The following SV2C variants were observed in gnomAD, a reference collection of about 807,000 sequenced individuals.
SV2C encodes the protein synaptic vesicle glycoprotein 2C, also known as solute carrier family 22 member B3.
In SV2C, 49 loss-of-function variants were observed where a neutral mutation model predicts 79.7. That is an observed-to-expected ratio of 0.61 (90% CI 0.49 to 0.78). SV2C has a LOEUF of 0.78. Among genes scored for constraint, SV2C ranks in the 30% least tolerant of loss-of-function variants. The probability of loss-of-function intolerance (pLI) is 0.00; values close to 1 mark genes in which losing one functional copy is unlikely to be tolerated. For synonymous variants in SV2C, 334 were observed against 333.2 expected, an observed-to-expected ratio of 1.00 and a Z score of -0.03; for missense variants, 833 against 912.9, an observed-to-expected ratio of 0.91 and a Z score of 1.13.
chr5:76,133,648 G>C (rs1301068926), intron 2 of SV2C, among the ~76,000 whole-genome samples: 2 of 152,168 alleles, frequency 1.3e-5, no homozygotes, highest in African/African-American at 4.8e-5. Context: ...AGCATATTGT[G>C]CATATTTTGC....
At chr5:76,295,247 T>G (rs1747706650) in intron 8 of SV2C, among the ~76,000 whole-genome samples, 1 of 152,220 alleles carries the variant, frequency 6.6e-6, no homozygotes, top group South Asian at 2.1e-4. Flanking sequence ...AGATGGCAGC[T>G]TGTCGCTGAG....
the SV2C span, among the ~76,000 whole-genome samples, chr5:75,898,793 T>G: frequency 1.3e-5 from 2 of 152,216 alleles, no homozygotes; most frequent in Admixed American, 1.3e-4. Flanking sequence ...TGGTTTAGTC[T>G]TGGGAGGGTG....
chr5:75,921,354 T>C, the SV2C span: 1 of 1,016,948 alleles, frequency 9.8e-7, no homozygotes, highest in Non-Finnish European at 1.6e-6. Flanking sequence ...TGCCTGCTGC[T>C]GTCCTTTGGG....
At chr5:76,254,297 G>A (rs905434080) in intron 4 of SV2C, among the ~76,000 whole-genome samples, 2 of 150,608 alleles carry the variant, frequency 1.3e-5, no homozygotes, top group African/African-American at 4.9e-5. Flanking sequence ...AAAAATAAAT[G>A]TAATGCATCT....
chr5:76,052,250 A>T, the SV2C span, among the ~76,000 whole-genome samples: 1 of 152,192 alleles, frequency 6.6e-6, no homozygotes, highest in African/African-American at 2.4e-5. Flanking sequence ...TATATTATTG[A>T]TTAAACATCT....
chr5:76,257,024 C>T (rs892098886), intron 4 of SV2C, among the ~76,000 whole-genome samples: 12 of 152,244 alleles, frequency 7.9e-5, no homozygotes, highest in African/African-American at 2.4e-4. Context: ...TATCAAAGCA[C>T]ATTTCCATTT....
At chr5:76,300,349 T>C (rs1376083153) in intron 10 of SV2C, among the ~76,000 whole-genome samples, 1 of 152,030 alleles carries the variant, frequency 6.6e-6, no homozygotes, top group Non-Finnish European at 1.5e-5. Flanking sequence ...TTTATAATTG[T>C]AGTATGGACA....
At chr5:75,852,623 C>T in the SV2C span, among the ~76,000 whole-genome samples, 4 of 151,846 alleles carry the variant, frequency 2.6e-5, no homozygotes, top group African/African-American at 9.7e-5. Flanking sequence ...GAGAATATTT[C>T]GTCTATAGAT....
intron 4 of SV2C, among the ~76,000 whole-genome samples, chr5:76,211,824 T>A (rs1418433433): frequency 6.6e-6 from 1 of 152,210 alleles, no homozygotes; most frequent in African/African-American, 2.4e-5. Context: ...TACAAAATCA[T>A]GTCACACGCT....
chr5:75,877,998 T>C, the SV2C span, among the ~76,000 whole-genome samples: 1 of 151,128 alleles, frequency 6.6e-6, no homozygotes. Context: ...AAATTGACTG[T>C]GGAGATGCTG....
chr5:76,079,380 G>A (rs1746943751), upstream of SV2C: 1 of 310,194 alleles, frequency 3.2e-6, no homozygotes, highest in Non-Finnish European at 6.5e-6. Context: ...AAAACATGTG[G>A]TGATGTTGTA....
chr5:76,277,010 A>G (rs1409942116), intron 4 of SV2C, among the ~76,000 whole-genome samples: 1 of 152,236 alleles, frequency 6.6e-6, no homozygotes, highest in Non-Finnish European at 1.5e-5. Context: ...TGAAGATATC[A>G]CTAGGCATTA....
chr5:75,864,526 G>T, the SV2C span, among the ~76,000 whole-genome samples: 1 of 152,090 alleles, frequency 6.6e-6, no homozygotes, highest in Admixed American at 6.5e-5. Flanking sequence ...TCCTGACTGG[G>T]CAACCTGGGT....
chr5:76,301,262 A>T (rs1458816754), intron 11 of SV2C, 124 bp from the exon 12 acceptor site: 3 of 1,308,820 alleles, frequency 2.3e-6, no homozygotes, highest in Non-Finnish European at 3.2e-6. Flanking sequence ...CTTGAGCTTT[A>T]TGGAGCCCAT....
At chr5:76,250,345 A>G (rs998097948) in intron 4 of SV2C, among the ~76,000 whole-genome samples, 1 of 152,234 alleles carries the variant, frequency 6.6e-6, no homozygotes, top group Admixed American at 6.5e-5. Context: ...AAAATAGGAC[A>G]TTAGGGCTCT....
intron 12 of SV2C, among the ~76,000 whole-genome samples, chr5:76,352,148 G>A (rs1355347336): frequency 6.6e-6 from 1 of 152,210 alleles, no homozygotes; most frequent in Non-Finnish European, 1.5e-5. Context: ...AGGAGGCGGA[G>A]GTTGCAGTGA....
chr5:76,027,059 C>CTTTT, the SV2C span, among the ~76,000 whole-genome samples: 4 of 122,212 alleles, frequency 3.3e-5, no homozygotes, highest in Admixed American at 8.3e-5. Flanking sequence ...TTTCAGTTGT[C>CTTTT]TTTTTTTTTT....
intron 2 of SV2C, among the ~76,000 whole-genome samples, chr5:76,141,676 T>G (rs1749254554): frequency 6.6e-6 from 1 of 151,386 alleles, no homozygotes; most frequent in African/African-American, 2.4e-5. Context: ...ATACAAAAAT[T>G]AGCCAGGCGT....
At chr5:76,049,149 A>T in the SV2C span, among the ~76,000 whole-genome samples, 4 of 151,926 alleles carry the variant, frequency 2.6e-5, no homozygotes, top group Non-Finnish European at 5.9e-5. Flanking sequence ...CATCCTGGCT[A>T]ACATGATGAA....
Sources: allele counts gnomAD v4.1 joint callset (sites outside exome capture counted in the v4.1 genomes callset), GRCh38; gene constraint gnomAD v4.1.1; transcripts MANE v1.5; gene names NCBI Gene and HGNC (gene_info 2026-07-23, HGNC 2026-07-21).